Variants in CFAP61 observed in about 807,000 individuals in gnomAD.
The protein encoded by CFAP61 is cilia- and flagella-associated protein 61.
A neutral mutation model predicts 135.6 loss-of-function variants in CFAP61; 107 were observed. That is an observed-to-expected ratio of 0.79 (90% confidence interval 0.67 to 0.93). The LOEUF is 0.93. CFAP61 is among the 40% of genes least tolerant of loss of function. The probability of loss-of-function intolerance (pLI) is 0.00; values close to 1 mark genes in which losing one functional copy is unlikely to be tolerated. For synonymous variants in CFAP61, 575 were observed against 578.5 expected, an observed-to-expected ratio of 0.99 and a Z score of 0.09; for missense variants, 1,507 against 1,556.2, an observed-to-expected ratio of 0.97 and a Z score of 0.53.
At chr20:20,302,514 T>A (rs1358081706) in intron 25 of CFAP61, among the ~76,000 whole-genome samples, 1 of 152,062 alleles carries the variant, frequency 6.6e-6, no homozygotes, top group Non-Finnish European at 1.5e-5. Context: ...ATACGAAAAT[T>A]AACTGGGTGT....
chr20:20,261,829 A>C (rs1451420949), intron 20 of CFAP61, among the ~76,000 whole-genome samples: 1 of 151,740 alleles, frequency 6.6e-6, no homozygotes, highest in Non-Finnish European at 1.5e-5. Flanking sequence ...AGTTTGCCAC[A>C]GTATCCTTGA....
intron 25 of CFAP61, among the ~76,000 whole-genome samples, chr20:20,315,927 T>A (rs1046389101): frequency 1.3e-5 from 2 of 152,190 alleles, no homozygotes; most frequent in African/African-American, 4.8e-5. Context: ...ACCATGCTGT[T>A]TTGGTTACTG....
intron 13 of CFAP61, among the ~76,000 whole-genome samples, chr20:20,178,484 C>G (rs1031665444): frequency 2.0e-5 from 3 of 152,196 alleles, no homozygotes; most frequent in Non-Finnish European, 4.4e-5. Flanking sequence ...TCTTGCCACC[C>G]TTTCACATGA....
At chr20:20,156,414 T>TA (rs1324057861) in intron 9 of CFAP61, among the ~76,000 whole-genome samples, 1 of 152,164 alleles carries the variant, frequency 6.6e-6, no homozygotes, top group Non-Finnish European at 1.5e-5. Context: ...TTGAAAAACT[T>TA]ACAGCAAACG....
At chr20:20,327,793 A>AAAAAAAAAAAAAAAAAAAAC (rs2057814798) in intron 25 of CFAP61, among the ~76,000 whole-genome samples, 1 of 80,584 alleles carries the variant, frequency 1.2e-5, no homozygotes, top group African/African-American at 6.3e-5. Flanking sequence ...AAAAAAAAAA[A>AAAAAAAAAAAAAAAAAAAAC]AAAAAAAAAA....
intron 24 of CFAP61, among the ~76,000 whole-genome samples, chr20:20,297,215 T>C (rs1180919786): frequency 6.6e-6 from 1 of 152,216 alleles, no homozygotes; most frequent in African/African-American, 2.4e-5. Context: ...TGTGTCCTTT[T>C]GTTTAGACAA....
At chr20:20,145,088 A>G (rs2146758294) in intron 9 of CFAP61, among the ~76,000 whole-genome samples, 1 of 152,312 alleles carries the variant, frequency 6.6e-6, no homozygotes, top group African/African-American at 2.4e-5. Context: ...CTCTACACAA[A>G]GAGTTGAAGA....
chr20:20,063,264 G>C (rs2146546285), intron 2 of CFAP61, among the ~76,000 whole-genome samples: 1 of 152,082 alleles, frequency 6.6e-6, no homozygotes, highest in Admixed American at 6.5e-5. Flanking sequence ...ATCAAAATAA[G>C]ACAAAGACAG....
intron 7 of CFAP61, among the ~76,000 whole-genome samples, chr20:20,093,837 T>C (rs1308321012): frequency 6.6e-6 from 1 of 152,100 alleles, no homozygotes; most frequent in Non-Finnish European, 1.5e-5. Flanking sequence ...AGTCAATCTT[T>C]TGGGGGTGAG....
In CFAP61 at chr20:20,121,104, T is replaced by TTC. The variant is rs2049586039; in HGVS notation, c.860-21752_860-21751insCT. 1.4e-4 allele frequency among the ~76,000 whole-genome samples: 11 copies of TTC among 76,130 alleles called. No homozygotes were observed. In the South Asian group the frequency reaches 4.7e-3, roughly 32 times the overall value. 49.9% of individuals were successfully genotyped at this position (76,130 alleles called of 152,430 possible). ...TTTGCTCTATGTCTTTTATTTTTAC[T>TTC]TTTTTTTTTTTTTTTTTTTTGAGAC... On this transcript the variant is annotated intron_variant, in intron 8 of 26. Transcript: ENST00000245957.
At chr20:20,296,601 C>T (rs368651348) in intron 24 of CFAP61, among the ~76,000 whole-genome samples, 33 of 152,026 alleles carry the variant, frequency 2.2e-4, no homozygotes, top group African/African-American at 7.2e-4. Flanking sequence ...AATAACTTTT[C>T]CTCATTTTAG....
chr20:20,146,542 A>T (rs981988840), intron 9 of CFAP61, among the ~76,000 whole-genome samples: 12 of 152,240 alleles, frequency 7.9e-5, no homozygotes, highest in Admixed American at 7.8e-4. Flanking sequence ...GGCTCTAGTT[A>T]TAATATTTAG....
chr20:20,320,509 TG>T lies in CFAP61; in HGVS notation c.3423-21321del, dbSNP rs1455148270. Among the ~76,000 whole-genome samples the T allele has an allele frequency of 5.4e-4, 5 of 9,304 alleles. 1 individual carries two copies. In the East Asian group the frequency reaches 0.02, roughly 38 times the overall value. 6.1% of individuals were successfully genotyped at this position (9,304 alleles called of 152,430 possible). A position where few individuals can be genotyped will look rare whatever the true frequency, so the allele number is the denominator to read the frequency against. On this transcript the variant is annotated intron_variant, in intron 25 of 26. Coordinates refer to ENST00000245957, the MANE Select transcript of CFAP61 (RefSeq NM_015585.4). ...TAATATATGTAATATATATTATATATGTAATATATAATATATATTATATATG... is the reference window on the plus strand; with the variant it reads ...TAATATATGTAATATATATTATATATTAATATATAATATATATTATATATG...
At chr20:20,123,644 C>A (rs2049841661) in intron 8 of CFAP61, among the ~76,000 whole-genome samples, 2 of 150,686 alleles carry the variant, frequency 1.3e-5, no homozygotes, top group South Asian at 4.2e-4. Flanking sequence ...TTTGGTGACT[C>A]TCATGCTGTT....
intron 11 of CFAP61, 105 bp downstream of exon 11, chr20:20,164,333 C>T: frequency 9.2e-7 from 1 of 1,092,076 alleles, no homozygotes; most frequent in Non-Finnish European, 1.3e-6. Flanking sequence ...ACCTGGCCCA[C>T]ATCCTAATCT....
At chr20:20,181,036 A>G (rs2055025319) in intron 13 of CFAP61, among the ~76,000 whole-genome samples, 1 of 152,136 alleles carries the variant, frequency 6.6e-6, no homozygotes. Flanking sequence ...GGAGAGGATC[A>G]GGAAACATAA....
chr20:20,101,142 A>G (rs941211533), intron 8 of CFAP61, among the ~76,000 whole-genome samples: 2 of 152,230 alleles, frequency 1.3e-5, no homozygotes, highest in Non-Finnish European at 2.9e-5. Context: ...CCATCTTCCT[A>G]TCAACAACAA....
At chr20:20,338,179 C>A (rs1301278356) in intron 25 of CFAP61, among the ~76,000 whole-genome samples, 2 of 152,196 alleles carry the variant, frequency 1.3e-5, no homozygotes, top group Non-Finnish European at 2.9e-5. Flanking sequence ...ACAAGATTGA[C>A]ACTCATGGCT....
At chr20:20,276,254 T>C (rs1268391690) in intron 21 of CFAP61, among the ~76,000 whole-genome samples, 1 of 152,236 alleles carries the variant, frequency 6.6e-6, no homozygotes, top group Non-Finnish European at 1.5e-5. Flanking sequence ...TATTATTTCA[T>C]GAACAGGAGA....
Sources: allele counts gnomAD v4.1 joint callset (sites outside exome capture counted in the v4.1 genomes callset), GRCh38; gene constraint gnomAD v4.1.1; transcripts MANE v1.5; gene names NCBI Gene and HGNC (gene_info 2026-07-23, HGNC 2026-07-21).